COLEC12: variants seen among roughly 807,000 people sequenced by gnomAD.
COLEC12 encodes the protein collectin subfamily member 12, also known as collectin-12.
COLEC12 carries 33 observed loss-of-function variants against 71.1 expected under a neutral mutation model. The ratio of observed to expected loss-of-function variants is 0.46; its 90% CI spans 0.35 to 0.62. COLEC12 has a LOEUF of 0.62. COLEC12 is among the 20% of genes least tolerant of loss of function. The pLI is 0.00. For synonymous variants in COLEC12, 350 were observed against 353.0 expected, an observed-to-expected ratio of 0.99 and a Z score of 0.10; for missense variants, 765 against 916.1, an observed-to-expected ratio of 0.84 and a Z score of 2.13.
chr18:406,103 C>T (rs1270923157), intron 2 of COLEC12, among the ~76,000 whole-genome samples: 2 of 152,100 alleles, frequency 1.3e-5, no homozygotes, highest in Non-Finnish European at 1.5e-5. Flanking sequence ...ACCAGTGCCA[C>T]GACAGTTTAC....
At chr18:329,262 C>A (rs778018944) in intron 8 of COLEC12, among the ~76,000 whole-genome samples, 12 of 152,136 alleles carry the variant, frequency 7.9e-5, no homozygotes, top group Admixed American at 2.6e-4. Flanking sequence ...ATGGGCCAAT[C>A]CAGTTTTTTT....
At chr18:473,210 G>A (rs926593471) in intron 2 of COLEC12, among the ~76,000 whole-genome samples, 4 of 152,012 alleles carry the variant, frequency 2.6e-5, no homozygotes, top group South Asian at 4.2e-4. Context: ...CCACAGTGTA[G>A]ACTGAACACA....
intron 7 of COLEC12, 140 bp from the exon 8 acceptor site, chr18:331,917 G>A (rs933369860): frequency 9.7e-6 from 6 of 621,710 alleles, no homozygotes; most frequent in Non-Finnish European, 1.7e-5. Context: ...TTTGCTTTCT[G>A]CTTTTTTCTT....
Position 321,797 on chromosome 18 carries a change from C to T in COLEC12, c.2074G>A (p.Ala692Thr), listed in dbSNP as rs765081015. ...GTSPDYKNWK[A>T]GQPDNWGHGH... ...TGACCCCAGTTATCCGGCTGTCCAG[C>T]TTTCCAATTTCTTTTAGCAAAACAG... Residue 692 changes from alanine (A) to threonine (T), a missense_variant, in exon 9 of 10, where the codon GCT becomes ACT. By Grantham distance (58) the Ala-to-Thr change is moderately conservative (BLOSUM62 0). Transcript: ENST00000400256. 1.9e-6 allele frequency: 3 copies of T among 1,613,478 alleles called. No individual in the cohort carries two copies. The highest frequency in any genetic ancestry group is 2.2e-5 in the East Asian group (1 of 44,890).
At chr18:485,398 G>C (rs1015749309) in intron 1 of COLEC12, among the ~76,000 whole-genome samples, 2 of 152,188 alleles carry the variant, frequency 1.3e-5, no homozygotes, top group African/African-American at 4.8e-5. Context: ...GTTTCTGACA[G>C]CCATCTGTCT....
chr18:444,697 G>A (rs1916612305), intron 2 of COLEC12, among the ~76,000 whole-genome samples: 1 of 152,056 alleles, frequency 6.6e-6, no homozygotes, highest in East Asian at 1.9e-4. Flanking sequence ...GCGAAAACAA[G>A]AAAACTAACC....
chr18:320,457 T>G (rs1355070162), intron 9 of COLEC12, among the ~76,000 whole-genome samples: 1 of 152,210 alleles, frequency 6.6e-6, no homozygotes, highest in Non-Finnish European at 1.5e-5. Context: ...CTTGGACCAA[T>G]GCCTGACACA....
chr18:352,482 T>C (rs1914543736), intron 3 of COLEC12, among the ~76,000 whole-genome samples: 1 of 151,994 alleles, frequency 6.6e-6, no homozygotes, highest in African/African-American at 2.4e-5. Flanking sequence ...GTAGAATAAA[T>C]ACAAAAGGGA....
chr18:493,589 T>C (rs1290043399), intron 1 of COLEC12, among the ~76,000 whole-genome samples: 4 of 152,248 alleles, frequency 2.6e-5, no homozygotes, highest in Non-Finnish European at 5.9e-5. Context: ...ATAAGTCTTG[T>C]CTTGTCTACC....
At chr18:325,696 A>C (rs1913827116) in intron 8 of COLEC12, among the ~76,000 whole-genome samples, 1 of 147,498 alleles carries the variant, frequency 6.8e-6, no homozygotes, top group Non-Finnish European at 1.5e-5. Context: ...AAGAAAAAAG[A>C]AAAAAAGCCA....
chr18:417,091 A>G (rs1916002189), intron 2 of COLEC12, among the ~76,000 whole-genome samples: 1 of 142,492 alleles, frequency 7.0e-6, no homozygotes, highest in Non-Finnish European at 1.6e-5. Context: ...TGATAGGGAG[A>G]TGTTCTGAGA....
At chr18:433,584 G>A (rs1916346544) in intron 2 of COLEC12, among the ~76,000 whole-genome samples, 1 of 152,138 alleles carries the variant, frequency 6.6e-6, no homozygotes, top group South Asian at 2.1e-4. Flanking sequence ...AAGCCAATCA[G>A]CTCCAGGAGT....
Position 399,553 on chromosome 18 carries a change from G to C in COLEC12, c.59-42031C>G, listed in dbSNP as rs1381130875. Among the ~76,000 whole-genome samples the C allele has an allele frequency of 6.6e-6, 1 of 152,220 alleles. No individual in the cohort carries two copies. Among genetic ancestry groups the C allele is most frequent in the Non-Finnish European group, 1.5e-5 (1 of 68,040 alleles). ...CCTAAGTGTCAGGCCCTGGGGATAT[G>C]CTGGGGAATGGAGCACAGATGGTCT... On this transcript the variant is annotated intron_variant, in intron 2 of 9. Coordinates refer to ENST00000400256, the MANE Select transcript of COLEC12 (RefSeq NM_130386.3). The surrounding 1 kb of genome is among the most constrained non-coding windows in gnomAD (Gnocchi z 4.0).
chr18:335,159 C>T lies in COLEC12; in HGVS notation c.1399G>A (p.Gly467Arg). ...GGCTCCCCCTTCTCTCCTTTCTGTC[C>T]CTTGTTGCCAGTTGGGCCAGGGGGT... is the stretch of plus-strand genomic sequence containing the variant. The part of the protein sequence containing the change: ...QGPPGPTGNK[G>R]QKGEKGEPGP... Residue 467 changes from glycine (G) to arginine (R), a missense_variant, in exon 6 of 10, where the codon GGA (glycine) becomes AGA (arginine). Transcript: ENST00000400256. The T allele has an allele frequency of 6.2e-7, 1 of 1,612,622 alleles. No individual in the cohort carries two copies. Among genetic ancestry groups the T allele is most frequent in the Non-Finnish European group, 8.5e-7 (1 of 1,179,500 alleles).
chr18:495,135 C>T (rs1917685940), intron 1 of COLEC12, among the ~76,000 whole-genome samples: 1 of 152,164 alleles, frequency 6.6e-6, no homozygotes, highest in African/African-American at 2.4e-5. Flanking sequence ...TCAGCAGGAC[C>T]TTTTTGAGGT....
chr18:377,312 G>A (rs1018166856), intron 2 of COLEC12, among the ~76,000 whole-genome samples: 2 of 152,222 alleles, frequency 1.3e-5, no homozygotes, highest in African/African-American at 4.8e-5. Flanking sequence ...TGATGCTCCC[G>A]GCACGTGTGA....
At chr18:498,048 C>A (rs1422375802) in intron 1 of COLEC12, among the ~76,000 whole-genome samples, 1 of 152,088 alleles carries the variant, frequency 6.6e-6, no homozygotes, top group Non-Finnish European at 1.5e-5. Context: ...GTCTTAGGGC[C>A]TTCCAAGCCA....
In COLEC12 at chr18:334,782, C is replaced by T. The variant is rs745695440; in HGVS notation, c.1776G>A (p.Leu592=). The part of the protein sequence containing the change: ...PPGPSGAVVP[L]ALQNEPTPAP... ...CTGGGGTTGGCTCATTCTGCAGGGC[C>T]AGGGGCACCACCGCTCCTGATGGGC... Residue 592 remains leucine, a synonymous_variant, in exon 6 of 10, where the codon CTG becomes CTA. Coordinates refer to ENST00000400256, the MANE Select transcript of COLEC12 (RefSeq NM_130386.3). 1.3e-6 allele frequency: 2 copies of T among 1,489,544 alleles called. No individual in the cohort carries two copies. Among genetic ancestry groups the T allele is most frequent in the Admixed American group, 2.6e-5 (1 of 38,442 alleles). 92.3% of individuals were successfully genotyped at this position (1,489,544 alleles called of 1,614,324 possible). A position where few individuals can be genotyped will look rare whatever the true frequency, so the allele number is the denominator to read the frequency against.
At chr18:348,028 T>C (rs766879647) in intron 4 of COLEC12, 37 bp downstream of exon 4, 1 of 1,332,890 alleles carries the variant, frequency 7.5e-7, no homozygotes, top group Non-Finnish European at 1.1e-6. Flanking sequence ...TTATGTAGAG[T>C]CAGGGGATTT....
Sources: allele counts gnomAD v4.1 joint callset (sites outside exome capture counted in the v4.1 genomes callset), GRCh38; gene constraint gnomAD v4.1.1; non-coding constraint Gnocchi (gnomAD v3.1); transcripts MANE v1.5; gene names NCBI Gene and HGNC (gene_info 2026-07-23, HGNC 2026-07-21).